The following ZNF536 variants were observed in gnomAD, a reference collection of about 807,000 sequenced individuals.
ZNF536 encodes the protein zinc finger protein 536.
In ZNF536, 13 loss-of-function variants were observed where a neutral mutation model predicts 84.5. The ratio of observed to expected loss-of-function variants is 0.15; its 90% CI spans 0.10 to 0.24. ZNF536 has a LOEUF of 0.24. Ranked by LOEUF, ZNF536 falls within the 10% of genes least tolerant of loss-of-function variation. ZNF536 has a pLI of 1.00. For synonymous variants in ZNF536, 811 were observed against 742.5 expected (o/e 1.09, Z -1.50); for missense variants, 1,536 against 1,747.5 (o/e 0.88, Z 2.16).
At chr19:30,610,432 G>A (rs972477319) in intron 1 of ZNF536, among the ~76,000 whole-genome samples, 1 of 152,124 alleles carries the variant, frequency 6.6e-6, no homozygotes, top group African/African-American at 2.4e-5. Context: ...CCTTGTGGGG[G>A]TCTCCCCCTC....
chr19:30,268,830 C>T lies in ZNF536; in HGVS notation c.-189-15242C>T, dbSNP rs183916250. Among the ~76,000 whole-genome samples, 1,089 of 152,304 alleles carry T rather than the reference C, an allele frequency of 7.2e-3. 8 individuals carry two copies. Among genetic ancestry groups the T allele is most frequent in the Middle Eastern group, 0.031 (9 of 294 alleles). On this transcript the variant is annotated intron_variant, in intron 1 of 5. Coordinates refer to the ZNF536 transcript ENST00000585628. ...TTCTGTGCTTCTGCAAGCCGGAACT[C>T]CCCAATCTCGCTGGCCTTAGGGTCT...
chr19:30,685,984 T>G (rs773831957), intron 1 of ZNF536, among the ~76,000 whole-genome samples: 1 of 152,180 alleles, frequency 6.6e-6, no homozygotes, highest in Admixed American at 6.5e-5. Flanking sequence ...AAGACCCCAG[T>G]CTGTGGCAAT....
At chr19:30,488,937 G>A (rs531958220) in intron 2 of ZNF536, among the ~76,000 whole-genome samples, 7 of 152,280 alleles carry the variant, frequency 4.6e-5, no homozygotes, top group African/African-American at 1.2e-4. Context: ...TCCAGTTCCC[G>A]AAGCATTAGA....
intron 1 of ZNF536, among the ~76,000 whole-genome samples, chr19:30,672,040 C>T (rs553741927): frequency 4.6e-5 from 7 of 152,244 alleles, no homozygotes; most frequent in Non-Finnish European, 1.0e-4. Flanking sequence ...TCACTGGGGC[C>T]GTCCAGGCCT....
chr19:30,498,851 C>G (rs1287212434), intron 2 of ZNF536, among the ~76,000 whole-genome samples: 1 of 152,014 alleles, frequency 6.6e-6, no homozygotes, highest in Non-Finnish European at 1.5e-5. Flanking sequence ...GTCCTCCGGG[C>G]ACTCTACCGG....
At chr19:30,473,743 C>T (rs2053734970) in intron 2 of ZNF536, among the ~76,000 whole-genome samples, 1 of 152,194 alleles carries the variant, frequency 6.6e-6, no homozygotes, top group Admixed American at 6.5e-5. Flanking sequence ...GAGGAGACGT[C>T]CCGCCCATCC....
intron 2 of ZNF536, among the ~76,000 whole-genome samples, chr19:30,482,268 G>A (rs982337609): frequency 2.6e-5 from 4 of 152,190 alleles, no homozygotes. Flanking sequence ...GTTTTCCACA[G>A]TGGTTGTACT....
chr19:30,406,111 A>G (rs1293934781), intron 1 of ZNF536, among the ~76,000 whole-genome samples: 1 of 152,214 alleles, frequency 6.6e-6, no homozygotes, highest in Non-Finnish European at 1.5e-5. Flanking sequence ...AAGGATCTCT[A>G]AAGTCAGGAG....
At chr19:30,390,256 C>T (rs890032787) in intron 1 of ZNF536, among the ~76,000 whole-genome samples, 8 of 152,060 alleles carry the variant, frequency 5.3e-5, no homozygotes, top group African/African-American at 1.9e-4. Flanking sequence ...TTCAGCTGCC[C>T]TTAGTATAAA....
chr19:30,322,714 A>G (rs922670228), intron 2 of ZNF536, among the ~76,000 whole-genome samples: 1 of 152,048 alleles, frequency 6.6e-6, no homozygotes, highest in African/African-American at 2.4e-5. Flanking sequence ...CCCATTGCCC[A>G]TCACCTGGGC....
Position 30,667,825 on chromosome 19 carries a change from G to A in ZNF536, c.170-42932G>A, listed in dbSNP as rs545825335. ...AGTAGTGTTAGTATACACTCAGCAT[G>A]TCCTGAGTGCTTGCAATGTGCTAAG... On this transcript the variant is annotated intron_variant, in intron 1 of 1. Coordinates refer to the ZNF536 transcript ENST00000592773. Among the ~76,000 whole-genome samples, 4 of 152,106 alleles carry A rather than the reference G, an allele frequency of 2.6e-5. No individual in the cohort carries two copies. In the East Asian group the frequency reaches 7.7e-4, roughly 29 times the overall value.
chr19:30,293,523 G>T (rs189613845), intron 2 of ZNF536, among the ~76,000 whole-genome samples: 1 of 152,040 alleles, frequency 6.6e-6, no homozygotes, highest in Non-Finnish European at 1.5e-5. Flanking sequence ...CATTCCCCCC[G>T]CCTGCCAGCC....
chr19:30,599,076 T>C (rs1414383964), intron 1 of ZNF536, among the ~76,000 whole-genome samples: 1 of 116,186 alleles, frequency 8.6e-6, no homozygotes, highest in East Asian at 3.1e-4. Context: ...TCCCTCCCTG[T>C]TTCCTCTTTC....
chr19:30,289,767 G>T (rs2045771992), intron 2 of ZNF536, among the ~76,000 whole-genome samples: 2 of 152,118 alleles, frequency 1.3e-5, no homozygotes, highest in African/African-American at 2.4e-5. Flanking sequence ...TTGTTACGTT[G>T]CTCTTATGCC....
intron 2 of ZNF536, among the ~76,000 whole-genome samples, chr19:30,291,365 T>C (rs1290993078): frequency 6.6e-6 from 1 of 152,244 alleles, no homozygotes; most frequent in East Asian, 1.9e-4. Context: ...TCCTGACTTT[T>C]TAATGATCGC....
intron 2 of ZNF536, among the ~76,000 whole-genome samples, chr19:30,322,735 C>G (rs531485018): frequency 1.4e-4 from 21 of 151,132 alleles, no homozygotes; most frequent in African/African-American, 4.6e-4. Flanking sequence ...TGGCCATGAA[C>G]TCTTCATGAG....
At chr19:30,389,677 C>A (rs1190528326) in intron 1 of ZNF536, among the ~76,000 whole-genome samples, 1 of 152,136 alleles carries the variant, frequency 6.6e-6, no homozygotes, top group Non-Finnish European at 1.5e-5. Flanking sequence ...AGAAAATGTC[C>A]TTTGGGTGAA....
intron 1 of ZNF536, 103 bp from the exon 2 acceptor site, chr19:30,443,457 GT>G: frequency 7.0e-7 from 1 of 1,432,952 alleles, no homozygotes; most frequent in Non-Finnish European, 9.2e-7. Context: ...GCATGATTAT[GT>G]GTAGGTAAGG....
In ZNF536 at chr19:30,444,323, C is replaced by T. The variant is rs762428720; in HGVS notation, c.761C>T (p.Pro254Leu). ...CACAGCGTTCCCGACGTGGCCCACCCGGTGCCCTCGCCCAAGCCTGCCAGC... is the reference window on the plus strand; with the variant it reads ...CACAGCGTTCCCGACGTGGCCCACCTGGTGCCCTCGCCCAAGCCTGCCAGC... ...ANHSVPDVAH[P>L]VPSPKPASVQ... The change falls in exon 2 of 5, where the codon CCG (proline) becomes CTG (leucine). Residue 254 changes from proline to leucine, a missense_variant. By Grantham distance (98) the Pro-to-Leu change is moderately conservative. Coordinates refer to ENST00000355537, the MANE Select transcript of ZNF536 (RefSeq NM_014717.3). 1.3e-6 allele frequency: 2 copies of T among 1,589,382 alleles called. No individual in the cohort carries two copies. The highest frequency in any genetic ancestry group is 1.7e-5 in the Admixed American group (1 of 58,804).
Sources: gnomAD v4.1 joint callset for allele counts (sites outside exome capture counted in the v4.1 genomes callset) on GRCh38, gnomAD v4.1.1 for gene constraint, MANE v1.5 for transcripts, NCBI Gene and HGNC (gene_info 2026-07-23, HGNC 2026-07-21) for gene names.